The following SIL1 variants were observed in gnomAD, a reference collection of about 807,000 sequenced individuals.
SIL1 encodes the protein nucleotide exchange factor SIL1.
A neutral mutation model predicts 49.1 loss-of-function variants in SIL1; 40 were observed. The ratio of observed to expected loss-of-function variants is 0.81; its 90% confidence interval spans 0.63 to 1.06. SIL1 has a LOEUF of 1.06. SIL1 is among the 50% of genes least tolerant of loss of function. The pLI is 0.00. For synonymous variants in SIL1, 253 were observed against 250.8 expected (o/e 1.01, Z -0.08); for missense variants, 500 against 572.6 (o/e 0.87, Z 1.29).
At chr5:139,047,672 G>A (rs1769195400) in intron 4 of SIL1, among the ~76,000 whole-genome samples, 1 of 152,202 alleles carries the variant, frequency 6.6e-6, no homozygotes, top group African/African-American at 2.4e-5. Context: ...AGTGCTAAGG[G>A]GCCAGGAAGA....
intron 3 of SIL1, among the ~76,000 whole-genome samples, chr5:139,095,126 T>G (rs1770426585): frequency 1.3e-5 from 2 of 152,216 alleles, no homozygotes; most frequent in African/African-American, 4.8e-5. Context: ...CTTACCAGAT[T>G]TCTCCACTGT....
intron 7 of SIL1, among the ~76,000 whole-genome samples, chr5:139,018,338 A>G (rs10069528): frequency 0.44 from 66,343 of 152,044 alleles, 15,743 homozygotes; most frequent in African/African-American, 0.64. Flanking sequence ...GCTCATGCCT[A>G]TAAGCCCAGC....
At chr5:138,993,574 A>G (rs1329885618) in intron 7 of SIL1, among the ~76,000 whole-genome samples, 1 of 152,202 alleles carries the variant, frequency 6.6e-6, no homozygotes, top group African/African-American at 2.4e-5. Context: ...ATGTGATTAC[A>G]CTACGTAAGA....
chr5:139,003,363 T>C (rs557792903), intron 7 of SIL1, among the ~76,000 whole-genome samples: 1 of 152,126 alleles, frequency 6.6e-6, no homozygotes, highest in African/African-American at 2.4e-5. Flanking sequence ...GAGCTCTGGG[T>C]GCTTGGCTGC....
At chr5:139,056,644 TGG>T (rs1264395274) in intron 3 of SIL1, among the ~76,000 whole-genome samples, 2 of 123,812 alleles carry the variant, frequency 1.6e-5, no homozygotes, top group African/African-American at 7.2e-5. Context: ...AGGAGGGAGG[TGG>T]GGGGGTCAGC....
intron 4 of SIL1, among the ~76,000 whole-genome samples, chr5:139,048,369 GTTT>G (rs35482601): frequency 3.4e-5 from 3 of 87,776 alleles, no homozygotes; most frequent in Admixed American, 1.2e-4. Context: ...TTTGTTGTTG[GTTT>G]TTTTTTTTTT....
At chr5:139,052,059 A>G (rs1769299881) in intron 3 of SIL1, among the ~76,000 whole-genome samples, 1 of 152,168 alleles carries the variant, frequency 6.6e-6, no homozygotes, top group Non-Finnish European at 1.5e-5. Flanking sequence ...TGATTTAAGA[A>G]CCCAAATCAA....
intron 3 of SIL1, among the ~76,000 whole-genome samples, chr5:139,098,149 A>C (rs1159256708): frequency 6.6e-6 from 1 of 152,220 alleles, no homozygotes; most frequent in Non-Finnish European, 1.5e-5. Flanking sequence ...TATTCTTAGC[A>C]AAAAGAACAA....
chr5:139,156,913 C>T (rs923872770), intron 1 of SIL1, among the ~76,000 whole-genome samples: 3 of 152,210 alleles, frequency 2.0e-5, no homozygotes, highest in Admixed American at 6.5e-5. Flanking sequence ...GAAACTAACA[C>T]ACCCAGCTAG....
rs763109593 is a variant in SIL1 at position 139,026,832 on chromosome 5, G to A, written c.614C>T (p.Ala205Val). 2.4e-5 allele frequency: 38 copies of A among 1,613,950 alleles called. No homozygotes were observed. The highest frequency in any genetic ancestry group is 6.7e-5 in the East Asian group (3 of 44,892). The part of the protein sequence containing the change: ...SSSSLEEKIA[A>V]LFDLEYYVHQ... ...GACATAATATTCAAGATCAAAGAGC[G>A]CAGCAATCTTCTCTTCCAAACTGGA... is the stretch of plus-strand genomic sequence containing the variant. Residue 205 changes from alanine to valine, a missense_variant, in exon 6 of 10, where the codon GCG (alanine) becomes GTG (valine). Ala to Val is a moderately conservative substitution (Grantham distance 64). Coordinates refer to ENST00000394817, the MANE Select transcript of SIL1 (RefSeq NM_022464.5).
At chr5:139,051,668 G>T (rs1371166779) in intron 3 of SIL1, among the ~76,000 whole-genome samples, 1 of 152,246 alleles carries the variant, frequency 6.6e-6, no homozygotes, top group Non-Finnish European at 1.5e-5. Flanking sequence ...AAGGAAGAAG[G>T]AAGAGACTGG....
chr5:139,053,699 A>G (rs1284046920), intron 3 of SIL1, among the ~76,000 whole-genome samples: 1 of 152,086 alleles, frequency 6.6e-6, no homozygotes, highest in African/African-American at 2.4e-5. Flanking sequence ...CCAGGGGGCC[A>G]TTCCATCTGC....
intron 2 of SIL1, among the ~76,000 whole-genome samples, chr5:139,125,888 T>C (rs961013861): frequency 6.6e-6 from 1 of 152,136 alleles, no homozygotes; most frequent in African/African-American, 2.4e-5. Flanking sequence ...CCCGGGGAAG[T>C]ACCACAGCAG....
intron 1 of SIL1, among the ~76,000 whole-genome samples, chr5:139,191,130 G>A (rs748693818): frequency 3.3e-5 from 5 of 150,148 alleles, no homozygotes; most frequent in Admixed American, 1.3e-4. Context: ...TGCTTAGGAG[G>A]CTGAGGCACA....
intron 1 of SIL1, chr5:139,133,302 C>T (rs1750904367): frequency 6.6e-6 from 1 of 152,172 alleles, no homozygotes; most frequent in South Asian, 2.1e-4. Context: ...GTAGGCTGTA[C>T]CTCTGCTTAA....
At chr5:139,074,586 T>C (rs1769903736) in intron 3 of SIL1, among the ~76,000 whole-genome samples, 1 of 152,182 alleles carries the variant, frequency 6.6e-6, no homozygotes, top group South Asian at 2.1e-4. Context: ...TCAACCTCAA[T>C]GCCTTTATTC....
chr5:139,077,894 G>C (rs1044271261), intron 3 of SIL1, among the ~76,000 whole-genome samples: 1 of 152,080 alleles, frequency 6.6e-6, no homozygotes, highest in Non-Finnish European at 1.5e-5. Flanking sequence ...ATAGTGTTGC[G>C]GGGGAGTGGT....
intron 3 of SIL1, among the ~76,000 whole-genome samples, chr5:139,106,367 C>T (rs928032618): frequency 8.5e-5 from 13 of 152,200 alleles, no homozygotes; most frequent in African/African-American, 3.1e-4. Context: ...CCTAAAATAA[C>T]CTACAGAAAA....
At chr5:139,115,867 G>A (rs904444283) in intron 3 of SIL1, among the ~76,000 whole-genome samples, 8 of 152,322 alleles carry the variant, frequency 5.3e-5, no homozygotes, top group Admixed American at 3.3e-4. Context: ...CAGAAATACA[G>A]GTGGCCCAGG....
Sources: allele counts gnomAD v4.1 joint callset (sites outside exome capture counted in the v4.1 genomes callset), GRCh38; gene constraint gnomAD v4.1.1; transcripts MANE v1.5; gene names NCBI Gene and HGNC (gene_info 2026-07-23, HGNC 2026-07-21).